ARK2C: variants seen among roughly 807,000 people sequenced by gnomAD.
ARK2C encodes E3 ubiquitin-protein ligase ARK2C.
the ARK2C span, among the ~76,000 whole-genome samples, chr18:46,351,251 G>A: frequency 2.0e-5 from 3 of 152,208 alleles, no homozygotes; most frequent in African/African-American, 7.2e-5. Context: ...GCCCTACAGA[G>A]TCACCACCTC....
the ARK2C span, among the ~76,000 whole-genome samples, chr18:46,392,400 A>AGGCCCTCAG: frequency 1.3e-5 from 2 of 152,242 alleles, no homozygotes; most frequent in Admixed American, 6.5e-5. Flanking sequence ...CCCCAGGCTA[A>AGGCCCTCAG]GGCCCTCAGG....
chr18:46,450,846 G>A, the ARK2C span: 3 of 1,417,866 alleles, frequency 2.1e-6, no homozygotes, highest in East Asian at 2.3e-5. Flanking sequence ...AATGGGGCAG[G>A]GGGGTTGTCT....
chr18:46,393,150 T>G, the ARK2C span, among the ~76,000 whole-genome samples: 1 of 152,234 alleles, frequency 6.6e-6, no homozygotes, highest in Admixed American at 6.5e-5. Flanking sequence ...TCAGATTTAC[T>G]GACATCGTGG....
At chr18:46,390,679 G>C in the ARK2C span, among the ~76,000 whole-genome samples, 4 of 152,130 alleles carry the variant, frequency 2.6e-5, no homozygotes, top group East Asian at 7.7e-4. Context: ...AGCATTTATG[G>C]GGTGTGGAAT....
the ARK2C span, chr18:46,435,522 A>G: frequency 1.3e-6 from 1 of 741,404 alleles, no homozygotes; most frequent in Non-Finnish European, 2.3e-6. Context: ...CTCAGGCCCC[A>G]GCGTTTGCCT....
the ARK2C span, among the ~76,000 whole-genome samples, chr18:46,425,512 C>G: frequency 4.8e-4 from 73 of 152,210 alleles, no homozygotes; most frequent in Admixed American, 2.6e-3. Context: ...CCTCTCAGCC[C>G]TGGAGTCTTG....
the ARK2C span, among the ~76,000 whole-genome samples, chr18:46,406,517 G>A: frequency 1.3e-5 from 2 of 152,210 alleles, no homozygotes; most frequent in African/African-American, 2.4e-5. Flanking sequence ...AGAGTTTCTA[G>A]AGTGCCTCTC....
the ARK2C span, among the ~76,000 whole-genome samples, chr18:46,367,184 C>G: frequency 6.6e-6 from 1 of 152,140 alleles, no homozygotes; most frequent in Admixed American, 6.5e-5. Flanking sequence ...TTTCCAAGAG[C>G]CTTATGCAAT....
the ARK2C span, among the ~76,000 whole-genome samples, chr18:46,417,198 A>G: frequency 6.6e-6 from 1 of 152,324 alleles, no homozygotes; most frequent in African/African-American, 2.4e-5. Flanking sequence ...ACCCTAGTCC[A>G]AGAAACCATC....
the ARK2C span, among the ~76,000 whole-genome samples, chr18:46,413,600 T>C: frequency 2.5e-4 from 38 of 152,002 alleles, no homozygotes; most frequent in Non-Finnish European, 5.3e-4. Flanking sequence ...GAGCTGACAT[T>C]TGGGAAGAGG....
the ARK2C span, among the ~76,000 whole-genome samples, chr18:46,444,379 C>G: frequency 6.6e-6 from 1 of 152,068 alleles, no homozygotes; most frequent in South Asian, 2.1e-4. Flanking sequence ...CTTTTTGGGT[C>G]TTTACTTACC....
the ARK2C span, among the ~76,000 whole-genome samples, chr18:46,436,410 T>C: frequency 1.3e-5 from 2 of 152,316 alleles, no homozygotes; most frequent in South Asian, 2.1e-4. Context: ...GAATTCTTTA[T>C]GCTGTTCTTG....
chr18:46,382,855 G>A, the ARK2C span, among the ~76,000 whole-genome samples: 1 of 152,212 alleles, frequency 6.6e-6, no homozygotes, highest in Non-Finnish European at 1.5e-5. Flanking sequence ...TTGGTCACTG[G>A]CAGCACCCAT....
chr18:46,458,188 GAC>G, the ARK2C span: 1 of 152,558 alleles, frequency 6.6e-6, no homozygotes, highest in Non-Finnish European at 1.5e-5. Flanking sequence ...GGTGCTGGGA[GAC>G]ACAGACCTGA....
At chr18:46,444,433 T>A in the ARK2C span, among the ~76,000 whole-genome samples, 3 of 152,092 alleles carry the variant, frequency 2.0e-5, no homozygotes. Flanking sequence ...CTCTGTTAAT[T>A]TTTTAGTCTT....
the ARK2C span, among the ~76,000 whole-genome samples, chr18:46,430,964 T>G: frequency 6.6e-6 from 1 of 152,196 alleles, no homozygotes; most frequent in Non-Finnish European, 1.5e-5. Context: ...TACATAGGTA[T>G]ACACGTGCCA....
the ARK2C span, among the ~76,000 whole-genome samples, chr18:46,440,563 G>A: frequency 1.2e-4 from 19 of 152,270 alleles, no homozygotes; most frequent in Admixed American, 9.8e-4. Context: ...TATTTCATCT[G>A]TAAATATTTC....
chr18:46,371,022 G>A, the ARK2C span, among the ~76,000 whole-genome samples: 6 of 152,294 alleles, frequency 3.9e-5, no homozygotes, highest in Non-Finnish European at 7.4e-5. Flanking sequence ...GTTCCACATG[G>A]CTAGGGAGGC....
At chr18:46,366,031 A>G in the ARK2C span, among the ~76,000 whole-genome samples, 39 of 152,088 alleles carry the variant, frequency 2.6e-4, no homozygotes, top group Admixed American at 6.6e-4. Context: ...GGTGGCTCAC[A>G]CCTGTAATCC....
Sources: allele counts gnomAD v4.1 joint callset (sites outside exome capture counted in the v4.1 genomes callset), GRCh38; gene constraint gnomAD v4.1.1; transcripts MANE v1.5; gene names NCBI Gene and HGNC (gene_info 2026-07-23, HGNC 2026-07-21).